Variants in DSCAM observed in about 807,000 individuals in gnomAD.
DSCAM encodes DS cell adhesion molecule.
A neutral mutation model predicts 217.7 loss-of-function variants in DSCAM; 47 were observed. The observed-to-expected ratio is 0.22, with a 90% CI of 0.17 to 0.28. DSCAM has a LOEUF of 0.28. DSCAM is among the 10% of genes least tolerant of loss of function. The pLI is 1.00. For missense variants in DSCAM, 2,080 were observed against 2,618.3 expected (o/e 0.79, Z 4.49); for synonymous variants, 1,056 against 1,015.3 (o/e 1.04, Z -0.76).
At chr21:40,678,121 G>A (rs1468630134) in intron 3 of DSCAM, among the ~76,000 whole-genome samples, 3 of 152,108 alleles carry the variant, frequency 2.0e-5, no homozygotes, top group Non-Finnish European at 4.4e-5. Flanking sequence ...ATTTTGGGAA[G>A]TACAGTTTTC....
At chr21:40,745,114 GA>G (rs1454623573) in intron 1 of DSCAM, among the ~76,000 whole-genome samples, 1 of 151,928 alleles carries the variant, frequency 6.6e-6, no homozygotes, top group Admixed American at 6.6e-5. Context: ...AATCAGAGGA[GA>G]AAAATCTTTA....
chr21:40,252,422 A>T (rs1026252301), intron 11 of DSCAM, among the ~76,000 whole-genome samples: 2 of 152,140 alleles, frequency 1.3e-5, no homozygotes, highest in African/African-American at 4.8e-5. Flanking sequence ...CATGAATTTT[A>T]TCTTTGACAA....
At chr21:40,502,693 T>C (rs542035668) in intron 3 of DSCAM, among the ~76,000 whole-genome samples, 4 of 152,270 alleles carry the variant, frequency 2.6e-5, no homozygotes, top group African/African-American at 7.2e-5. Context: ...GTCATGACAT[T>C]GGACTCACCC....
At chr21:40,170,404 C>T (rs2090644007) in intron 15 of DSCAM, among the ~76,000 whole-genome samples, 1 of 152,230 alleles carries the variant, frequency 6.6e-6, no homozygotes, top group Admixed American at 6.5e-5. Flanking sequence ...AAATGCTGAG[C>T]ATGCATCCCT....
At chr21:40,439,036 G>C (rs781301040) in intron 3 of DSCAM, among the ~76,000 whole-genome samples, 3 of 152,070 alleles carry the variant, frequency 2.0e-5, no homozygotes, top group Non-Finnish European at 4.4e-5. Flanking sequence ...TTGCACCATT[G>C]TCATAGGTGC....
chr21:40,504,043 A>C (rs1286423984), intron 3 of DSCAM, among the ~76,000 whole-genome samples: 1 of 152,296 alleles, frequency 6.6e-6, no homozygotes, highest in Non-Finnish European at 1.5e-5. Flanking sequence ...GTGGCTCATA[A>C]ACGTTTCTGG....
intron 4 of DSCAM, among the ~76,000 whole-genome samples, chr21:40,363,098 C>T (rs1474143196): frequency 6.6e-6 from 1 of 151,960 alleles, no homozygotes; most frequent in Non-Finnish European, 1.5e-5. Context: ...AGCCATGGTC[C>T]CTTTTAGTAG....
At chr21:40,570,659 T>C (rs2076799030) in intron 3 of DSCAM, among the ~76,000 whole-genome samples, 1 of 152,120 alleles carries the variant, frequency 6.6e-6, no homozygotes, top group Non-Finnish European at 1.5e-5. Context: ...TGTGAACAGG[T>C]GAAGAACTAC....
intron 3 of DSCAM, among the ~76,000 whole-genome samples, chr21:40,624,418 G>A (rs1390891915): frequency 5.9e-5 from 9 of 152,038 alleles, no homozygotes; most frequent in African/African-American, 1.4e-4. Flanking sequence ...CTGTAAGATC[G>A]GATTGAAAAA....
intron 3 of DSCAM, among the ~76,000 whole-genome samples, chr21:40,684,499 G>A (rs1382887830): frequency 7.6e-6 from 1 of 132,366 alleles, no homozygotes; most frequent in Non-Finnish European, 1.7e-5. Flanking sequence ...CAACCCATCT[G>A]CTTAAGGAGA....
At chr21:40,098,106 T>C (rs1454588029) in intron 20 of DSCAM, among the ~76,000 whole-genome samples, 1 of 151,850 alleles carries the variant, frequency 6.6e-6, no homozygotes, top group East Asian at 1.9e-4. Context: ...AAATATGGAA[T>C]GGCTATAGTA....
intron 3 of DSCAM, among the ~76,000 whole-genome samples, chr21:40,578,403 G>C (rs436549): frequency 6.6e-6 from 1 of 151,964 alleles, no homozygotes; most frequent in African/African-American, 2.4e-5. Flanking sequence ...AAATGCACCA[G>C]TCAGCACTCT....
intron 3 of DSCAM, among the ~76,000 whole-genome samples, chr21:40,649,636 G>C (rs1601821445): frequency 1.3e-5 from 2 of 151,788 alleles, no homozygotes; most frequent in African/African-American, 4.8e-5. Flanking sequence ...TGCAGGGGTG[G>C]AAAAAAACAT....
At chr21:40,709,837 TC>T (rs1414459445) in intron 1 of DSCAM, among the ~76,000 whole-genome samples, 2 of 152,220 alleles carry the variant, frequency 1.3e-5, no homozygotes, top group Non-Finnish European at 2.9e-5. Flanking sequence ...TAATTTATAA[TC>T]TTTTGGGTGT....
intron 4 of DSCAM, among the ~76,000 whole-genome samples, chr21:40,367,800 T>C (rs1352721837): frequency 6.6e-6 from 1 of 152,154 alleles, no homozygotes; most frequent in Non-Finnish European, 1.5e-5. Context: ...GCTTAGTGTA[T>C]GATATTCCCT....
intron 3 of DSCAM, among the ~76,000 whole-genome samples, chr21:40,431,430 T>G (rs2075530758): frequency 6.7e-6 from 1 of 149,384 alleles, no homozygotes; most frequent in South Asian, 2.2e-4. Flanking sequence ...AACTACTCAA[T>G]GTGAAGACGA....
intron 1 of DSCAM, among the ~76,000 whole-genome samples, chr21:40,712,469 CAAAAAAAA>C (rs571819417): frequency 8.8e-4 from 24 of 27,344 alleles, no homozygotes; most frequent in Middle Eastern, 0.028. Flanking sequence ...GACTCCGTCT[CAAAAAAAA>C]AAAAAAAAAA....
chr21:40,686,701 G>A (rs2090482406), intron 3 of DSCAM, among the ~76,000 whole-genome samples: 1 of 152,124 alleles, frequency 6.6e-6, no homozygotes, highest in Non-Finnish European at 1.5e-5. Context: ...AGGCCCTGCA[G>A]ACTAGCTGCT....
intron 10 of DSCAM, among the ~76,000 whole-genome samples, chr21:40,280,328 C>T (rs117091112): frequency 0.018 from 2,677 of 151,676 alleles, 27 homozygotes; most frequent in Non-Finnish European, 0.028. Context: ...ACTATAATAC[C>T]GGCAGACACC....
Sources: allele counts gnomAD v4.1 joint callset (sites outside exome capture counted in the v4.1 genomes callset), GRCh38; gene constraint gnomAD v4.1.1; transcripts MANE v1.5; gene names NCBI Gene and HGNC (gene_info 2026-07-23, HGNC 2026-07-21).